The following KALRN variants were observed in gnomAD, a reference collection of about 807,000 sequenced individuals.
The protein encoded by KALRN is kalirin RhoGEF kinase.
Under a neutral mutation model 353.7 loss-of-function variants are expected in KALRN, and 70 were observed. The observed-to-expected ratio is 0.20, with a 90% CI of 0.16 to 0.24. KALRN has a LOEUF of 0.24. Ranked by LOEUF, KALRN falls within the 10% of genes least tolerant of loss-of-function variation. The pLI, the probability that KALRN is intolerant of heterozygous loss-of-function variation, is 1.00. For missense variants in KALRN, 2,791 were observed against 3,756.7 expected (o/e 0.74, Z 6.72); for synonymous variants, 1,391 against 1,434.8 (o/e 0.97, Z 0.69).
Position 124,462,565 on chromosome 3 carries a change from C to T in KALRN, c.3963C>T (p.Pro1321=). The T allele has an allele frequency of 1.9e-6, 3 of 1,611,958 alleles. No homozygotes were observed. Among genetic ancestry groups the T allele is most frequent in the South Asian group, 1.1e-5 (1 of 91,018 alleles). Residue 1321 remains proline (P), a synonymous_variant, in exon 25 of 60, where the codon CCC becomes CCT. Transcript: ENST00000682506. ...WEMTSGVEEI[P]PGILNKEHII... The stretch of plus-strand genomic sequence containing the variant: ...TGACCAGTGGTGTGGAGGAGATCCC[C>T]CCTGGGATCCTCAATAAAGAGCATA...
intron 1 of KALRN, among the ~76,000 whole-genome samples, chr3:124,221,117 C>T (rs1172757454): frequency 6.6e-6 from 1 of 152,234 alleles, no homozygotes; most frequent in Admixed American, 6.5e-5. Flanking sequence ...GCCCACCCTC[C>T]TCCATGCACT....
intron 15 of KALRN, among the ~76,000 whole-genome samples, chr3:124,424,432 C>T (rs550397902): frequency 6.6e-6 from 1 of 152,218 alleles, no homozygotes; most frequent in East Asian, 1.9e-4. Flanking sequence ...GGTATTCCTT[C>T]CTCTGATGCC....
intron 1 of KALRN, among the ~76,000 whole-genome samples, chr3:124,190,095 A>G (rs2074725931): frequency 6.6e-6 from 1 of 152,228 alleles, no homozygotes; most frequent in Non-Finnish European, 1.5e-5. Context: ...AATTAGAAGC[A>G]GGTCAGATCC....
chr3:124,523,242 C>T (rs926245869), intron 33 of KALRN, among the ~76,000 whole-genome samples: 4 of 152,160 alleles, frequency 2.6e-5, no homozygotes, highest in East Asian at 3.8e-4. Flanking sequence ...CTATAGCTTT[C>T]GCCTGAGACA....
Position 124,719,776 on chromosome 3 carries a change from A to G in KALRN, c.*306A>G. ...TACGAAATTTTAACTGTATCTTCCA[A>G]AATGAGTGGTTAACTGGGCAAACCT... On this transcript the variant is annotated 3_prime_UTR_variant, in exon 60 of 60. Coordinates refer to ENST00000682506, the MANE Select transcript of KALRN (RefSeq NM_001388419.1). This position sits in a 1 kb window ranked among gnomAD's most constrained non-coding sequence, Gnocchi z 5.3. The G allele has an allele frequency of 4.0e-6, 1 of 252,752 alleles. No individual in the cohort carries two copies. The highest frequency in any genetic ancestry group is 7.7e-6 in the Non-Finnish European group (1 of 130,598). The allele number at this position is 252,752 out of a possible 1,614,324, so 15.7% of individuals were successfully genotyped here.
intron 11 of KALRN, among the ~76,000 whole-genome samples, chr3:124,390,520 T>A (rs967389286): frequency 1.3e-5 from 2 of 152,206 alleles, no homozygotes; most frequent in Non-Finnish European, 2.9e-5. Flanking sequence ...GATGATGGCT[T>A]TAAGAACAAA....
intron 1 of KALRN, among the ~76,000 whole-genome samples, chr3:124,160,583 T>C (rs781521813): frequency 1.3e-4 from 20 of 152,114 alleles, no homozygotes; most frequent in Non-Finnish European, 2.6e-4. Context: ...CTTTTTTTTT[T>C]CTGGGCCATC....
At chr3:124,439,900 G>GT (rs1409946972) in intron 18 of KALRN, among the ~76,000 whole-genome samples, 1 of 152,130 alleles carries the variant, frequency 6.6e-6, no homozygotes, top group Non-Finnish European at 1.5e-5. Flanking sequence ...TTGCTTTCAT[G>GT]TTCTGCTTCC....
chr3:124,251,327 G>T (rs1361093129), intron 3 of KALRN, among the ~76,000 whole-genome samples: 5 of 146,648 alleles, frequency 3.4e-5, no homozygotes, highest in African/African-American at 1.2e-4. Flanking sequence ...TCTTTTGACT[G>T]TTTGCGGCGT....
At chr3:124,576,767 T>C (rs2149212069) in intron 34 of KALRN, among the ~76,000 whole-genome samples, 1 of 152,262 alleles carries the variant, frequency 6.6e-6, no homozygotes, top group African/African-American at 2.4e-5. Context: ...TTTGTGCCTG[T>C]AGGAGGGAAG....
chr3:124,205,576 C>T (rs1465756204), intron 1 of KALRN, among the ~76,000 whole-genome samples: 1 of 152,282 alleles, frequency 6.6e-6, no homozygotes, highest in East Asian at 1.9e-4. Context: ...GATTCTTCCC[C>T]TCCCTGAAAT....
chr3:124,608,895 G>A (rs1239868131), intron 34 of KALRN, among the ~76,000 whole-genome samples: 1 of 152,184 alleles, frequency 6.6e-6, no homozygotes, highest in Non-Finnish European at 1.5e-5. Context: ...GGGGTTCTTT[G>A]TGTGGCCCAG....
chr3:124,252,048 G>A (rs2071247647), intron 3 of KALRN, among the ~76,000 whole-genome samples: 1 of 152,210 alleles, frequency 6.6e-6, no homozygotes, highest in East Asian at 1.9e-4. Flanking sequence ...CTGGGACTCT[G>A]ATGGGCAAGA....
At chr3:124,055,764 T>C (rs1041763465) in intron 1 of KALRN, among the ~76,000 whole-genome samples, 6 of 152,196 alleles carry the variant, frequency 3.9e-5, no homozygotes, top group Non-Finnish European at 8.8e-5. Context: ...ACTACAGAGA[T>C]GGCACTATAA....
At chr3:124,557,203 G>T (rs1049113327) in intron 33 of KALRN, among the ~76,000 whole-genome samples, 12 of 152,126 alleles carry the variant, frequency 7.9e-5, no homozygotes, top group African/African-American at 2.9e-4. Flanking sequence ...GTACCCAATA[G>T]GTAGCTTTTT....
chr3:124,630,543 TG>T (rs960869523), intron 34 of KALRN, among the ~76,000 whole-genome samples: 3 of 152,140 alleles, frequency 2.0e-5, no homozygotes, highest in Non-Finnish European at 4.4e-5. Flanking sequence ...ATTGCAGGCA[TG>T]AGGCACCACA....
intron 1 of KALRN, among the ~76,000 whole-genome samples, chr3:124,059,923 A>G (rs948139940): frequency 2.0e-5 from 3 of 152,196 alleles, no homozygotes; most frequent in African/African-American, 7.2e-5. Flanking sequence ...ATGGTGGCCC[A>G]TGGTATCTTG....
chr3:124,454,561 G>A (rs1033972528), intron 21 of KALRN, among the ~76,000 whole-genome samples: 1 of 152,144 alleles, frequency 6.6e-6, no homozygotes, highest in African/African-American at 2.4e-5. Context: ...ACTGTACTAA[G>A]CATTCTACAT....
intron 33 of KALRN, among the ~76,000 whole-genome samples, chr3:124,557,588 C>T (rs1478785010): frequency 2.0e-5 from 3 of 152,170 alleles, no homozygotes; most frequent in Non-Finnish European, 2.9e-5. Context: ...AGATATGCTC[C>T]AGCTTTACAT....
Sources: gnomAD v4.1 joint callset for allele counts (sites outside exome capture counted in the v4.1 genomes callset) on GRCh38, gnomAD v4.1.1 for gene constraint, Gnocchi (gnomAD v3.1) non-coding constraint, MANE v1.5 for transcripts, NCBI Gene and HGNC (gene_info 2026-07-23, HGNC 2026-07-21) for gene names.